SFMBT2: variants seen among roughly 807,000 people sequenced by gnomAD.
The protein encoded by SFMBT2 is scm-like with four MBT domains protein 2.
SFMBT2 carries 38 observed loss-of-function variants against 110.1 expected under a neutral mutation model. The ratio of observed to expected loss-of-function variants is 0.35; its 90% CI spans 0.27 to 0.45. The LOEUF is 0.45. SFMBT2 is among the 20% of genes least tolerant of loss of function. The probability of loss-of-function intolerance (pLI) is 1.00; values close to 1 mark genes in which losing one functional copy is unlikely to be tolerated. For synonymous variants in SFMBT2, 425 were observed against 425.4 expected, an observed-to-expected ratio of 1.00 and a Z score of 0.01; for missense variants, 1,011 against 1,094.9, an observed-to-expected ratio of 0.92 and a Z score of 1.08.
intron 17 of SFMBT2, among the ~76,000 whole-genome samples, chr10:7,175,048 G>A (rs1048769056): frequency 6.6e-6 from 1 of 152,224 alleles, no homozygotes; most frequent in African/African-American, 2.4e-5. Flanking sequence ...CAGATTCCTG[G>A]TTCCAGCACC....
intron 7 of SFMBT2, among the ~76,000 whole-genome samples, chr10:7,262,943 G>A (rs11255065): frequency 0.5 from 75,676 of 151,996 alleles, 19,462 homozygotes; most frequent in East Asian, 0.81. Context: ...TGTTGCCAGG[G>A]ACGGGTATTC....
chr10:7,266,711 G>C (rs1211243144), intron 7 of SFMBT2, among the ~76,000 whole-genome samples: 1 of 152,226 alleles, frequency 6.6e-6, no homozygotes, highest in Admixed American at 6.5e-5. Flanking sequence ...CTAGAAGCCA[G>C]GAAACAAGCT....
chr10:7,164,634 A>T (rs934864603), intron 20 of SFMBT2, among the ~76,000 whole-genome samples: 1 of 152,022 alleles, frequency 6.6e-6, no homozygotes, highest in Non-Finnish European at 1.5e-5. Flanking sequence ...ATCTCTACTA[A>T]AAGACAAGGC....
At chr10:7,349,996 AAG>A (rs1333748081) in intron 4 of SFMBT2, among the ~76,000 whole-genome samples, 1 of 152,080 alleles carries the variant, frequency 6.6e-6, no homozygotes, top group Non-Finnish European at 1.5e-5. Flanking sequence ...GCTGACATTA[AAG>A]AAGCCACTCA....
intron 15 of SFMBT2, among the ~76,000 whole-genome samples, chr10:7,192,921 C>T (rs1054593903): frequency 2.6e-5 from 4 of 152,154 alleles, no homozygotes; most frequent in Non-Finnish European, 4.4e-5. Flanking sequence ...GCTGAGTGCC[C>T]TGGTCTCACC....
chr10:7,308,763 A>C (rs1405808370), intron 4 of SFMBT2, among the ~76,000 whole-genome samples: 1 of 152,200 alleles, frequency 6.6e-6, no homozygotes. Flanking sequence ...GCCCACTTTT[A>C]CATTATGCAG....
chr10:7,330,609 C>T (rs1564443721), intron 4 of SFMBT2, among the ~76,000 whole-genome samples: 1 of 152,136 alleles, frequency 6.6e-6, no homozygotes, highest in African/African-American at 2.4e-5. Context: ...AAGAAAAACT[C>T]CACCAAGCCA....
At chr10:7,239,906 C>T (rs991430013) in intron 9 of SFMBT2, among the ~76,000 whole-genome samples, 6 of 152,054 alleles carry the variant, frequency 3.9e-5, no homozygotes, top group Non-Finnish European at 8.8e-5. Flanking sequence ...CACCCCTGCA[C>T]CCCTGCACCC....
In SFMBT2 at chr10:7,333,011, C is replaced by T. The variant is rs539823282; in HGVS notation, c.436+34638G>A. Among the ~76,000 whole-genome samples, 75 of 152,176 alleles carry T rather than the reference C, an allele frequency of 4.9e-4. 1 individual carries two copies. The highest frequency in any genetic ancestry group is 1.7e-3 in the African/African-American group (71 of 41,516). On this transcript the variant is annotated intron_variant, in intron 4 of 20. Coordinates refer to ENST00000397167, the MANE Select transcript of SFMBT2 (RefSeq NM_001387889.1). Reference sequence around the variant, plus strand: ...CCTCCCGAGTAACTGGGATTACAGGCGCACACCACCACGCCCAGCTAATTT... The same window carrying T: ...CCTCCCGAGTAACTGGGATTACAGGTGCACACCACCACGCCCAGCTAATTT...
At chr10:7,209,412 G>C (rs1309111093) in intron 11 of SFMBT2, among the ~76,000 whole-genome samples, 1 of 152,200 alleles carries the variant, frequency 6.6e-6, no homozygotes, top group Non-Finnish European at 1.5e-5. Flanking sequence ...TGGTCAGTAT[G>C]GATTCTACTT....
At chr10:7,319,123 A>G (rs1843098389) in intron 4 of SFMBT2, among the ~76,000 whole-genome samples, 1 of 152,200 alleles carries the variant, frequency 6.6e-6, no homozygotes, top group African/African-American at 2.4e-5. Flanking sequence ...ACATCTTTAA[A>G]CTATGTCCCT....
At chr10:7,372,424 C>CA (rs908449967) in intron 2 of SFMBT2, among the ~76,000 whole-genome samples, 4 of 152,008 alleles carry the variant, frequency 2.6e-5, no homozygotes, top group Admixed American at 2.6e-4. Context: ...GTCAAACATC[C>CA]AAAAAAGAAA....
At chr10:7,353,051 C>T (rs1314292548) in intron 4 of SFMBT2, among the ~76,000 whole-genome samples, 1 of 151,492 alleles carries the variant, frequency 6.6e-6, no homozygotes, top group South Asian at 2.1e-4. Flanking sequence ...AAAATAAGTA[C>T]ACTGGGGGCC....
intron 2 of SFMBT2, among the ~76,000 whole-genome samples, chr10:7,380,079 T>C (rs528565492): frequency 8.8e-4 from 134 of 152,172 alleles, no homozygotes; most frequent in Non-Finnish European, 1.5e-3. Context: ...AAAAATACCC[T>C]GAAAGCTCAG....
intron 16 of SFMBT2, among the ~76,000 whole-genome samples, chr10:7,181,743 T>A (rs1838251766): frequency 6.6e-6 from 1 of 152,148 alleles, no homozygotes; most frequent in Non-Finnish European, 1.5e-5. Context: ...AACAGGCTTG[T>A]TTTGGAGTTG....
Position 7,172,533 on chromosome 10 carries a change from T to C in SFMBT2, c.2113A>G (p.Arg705Gly), listed in dbSNP as rs1303410651. ...GCGGTGAAGTCCACGGCAGAAGACC[T>C]CCGTTTCTTCTGCACGAAAATGGAT... Reference protein sequence around the residue: ...RKSIFVQKKRRSSAVDFTAGS... With the variant: ...RKSIFVQKKRGSSAVDFTAGS... The change falls in exon 18 of 21, where the codon AGG (arginine) becomes GGG (glycine). Residue 705 changes from arginine to glycine, a missense_variant. Around this residue, in one of 2 missense-constraint regions of SFMBT2, gnomAD observed 979 missense variants for 1,016.1 expected, o/e 0.96. Coordinates refer to ENST00000397167, the MANE Select transcript of SFMBT2 (RefSeq NM_001387889.1). The surrounding 1 kb of genome is among the most constrained non-coding windows in gnomAD (Gnocchi z 4.6). 6.2e-7 allele frequency: 1 copy of C among 1,614,038 alleles called. No individual in the cohort carries two copies. Among genetic ancestry groups the C allele is most frequent in the Non-Finnish European group, 8.5e-7 (1 of 1,180,028 alleles).
At chr10:7,370,213 C>T in intron 3 of SFMBT2, 68 bp downstream of exon 3, 12 of 1,409,790 alleles carry the variant, frequency 8.5e-6, no homozygotes, top group Non-Finnish European at 1.2e-5. Flanking sequence ...AGTTCTCCGG[C>T]TTCTCCCTAT....
rs1411887339 is a variant in SFMBT2, at chr10:7,384,028, C to T, written c.-51-2079G>A. On this transcript the variant is annotated intron_variant, in intron 1 of 20. Coordinates refer to ENST00000397167, the MANE Select transcript of SFMBT2 (RefSeq NM_001387889.1). ...GAGTTCAAGACCAGCCTGACCAATA[C>T]GGTGAAAGCCCATCTCTACTAAAAA... Among the ~76,000 whole-genome samples, 7 of 151,672 alleles carry T rather than the reference C, an allele frequency of 4.6e-5. No homozygotes were observed. In the East Asian group the frequency reaches 7.8e-4, roughly 17 times the overall value.
chr10:7,165,056 G>C (rs1837661493), intron 20 of SFMBT2, among the ~76,000 whole-genome samples: 2 of 152,092 alleles, frequency 1.3e-5, no homozygotes, highest in East Asian at 1.9e-4. Flanking sequence ...CATTTGACCG[G>C]ACTGCTGACT....
Sources: allele counts gnomAD v4.1 joint callset (sites outside exome capture counted in the v4.1 genomes callset), GRCh38; gene constraint gnomAD v4.1.1; regional missense constraint gnomAD v4.1.1; non-coding constraint Gnocchi (gnomAD v3.1); transcripts MANE v1.5; gene names NCBI Gene and HGNC (gene_info 2026-07-23, HGNC 2026-07-21).